TRPV1: variants seen among roughly 807,000 people sequenced by gnomAD.
TRPV1 encodes transient receptor potential cation channel subfamily V member 1.
Under a neutral mutation model 82.3 loss-of-function variants are expected in TRPV1, and 82 were observed. That is an observed-to-expected ratio of 1.00 (90% confidence interval 0.83 to 1.20). TRPV1 has a LOEUF of 1.20. Ranked by LOEUF, TRPV1 falls within the 50% of genes most tolerant of loss-of-function variation. The pLI is 0.00. For missense variants in TRPV1, 1,067 were observed against 1,096.8 expected (o/e 0.97, Z 0.38); for synonymous variants, 515 against 467.7 (o/e 1.10, Z -1.30).
In TRPV1 at chr17:3,573,975, C is replaced by G; in HGVS notation, c.1781-20G>C. ...CCACCGCTACAGGGCACAGGGAGGG[C>G]GGGGTGCCACTGGATAGAAGCCAAT... is the stretch of plus-strand genomic sequence containing the variant. On this transcript the variant is annotated intron_variant, in intron 13 of 16. Coordinates refer to ENST00000572705, the MANE Select transcript of TRPV1 (RefSeq NM_080704.4). The G allele has an allele frequency of 1.3e-6, 2 of 1,565,392 alleles. No individual in the cohort carries two copies. The highest frequency in any genetic ancestry group is 1.7e-6 in the Non-Finnish European group (2 of 1,157,990).
At chr17:3,585,583 C>T in intron 9 of TRPV1, 185 bp downstream of exon 9, 1 of 702,862 alleles carries the variant, frequency 1.4e-6, no homozygotes, top group South Asian at 1.9e-5. Flanking sequence ...TCCTGTACAG[C>T]CTGAGGCAGG....
In TRPV1 at chr17:3,591,295, G is replaced by A. The variant is rs201226989; in HGVS notation, c.343C>T (p.Arg115Cys). The A allele has an allele frequency of 1.9e-5, 31 of 1,612,632 alleles. No homozygotes were observed. The highest frequency in any genetic ancestry group is 2.5e-5 in the Non-Finnish European group (30 of 1,179,554). ...GCAACGGCTTCAAAGATACTCCTGC[G>A]ATCATAGAGCCTGAGGGTCTTCTCG... Reference protein sequence around the residue: ...STEKTLRLYDRRSIFEAVAQN... With the variant: ...STEKTLRLYDCRSIFEAVAQN... Residue 115 changes from arginine (R) to cysteine (C), a missense_variant, in exon 4 of 17, where the codon CGC (arginine) becomes TGC (cysteine). Coordinates refer to ENST00000572705, the MANE Select transcript of TRPV1 (RefSeq NM_080704.4).
At chr17:3,592,616 C>T (rs1285224819) in intron 2 of TRPV1, 3 of 521,312 alleles carry the variant, frequency 5.8e-6, no homozygotes, top group African/African-American at 1.9e-5. Context: ...CCACTGACGT[C>T]GGCCTGGGAG....
chr17:3,571,426 G>C (rs978280213), intron 16 of TRPV1, 98 bp downstream of exon 16: 2 of 958,958 alleles, frequency 2.1e-6, no homozygotes, highest in African/African-American at 3.3e-5. Context: ...CTGGGGGGAT[G>C]AGGAACCCGG....
At chr17:3,600,566 G>T (rs1029631782) in intron 2 of TRPV1, among the ~76,000 whole-genome samples, 5 of 152,172 alleles carry the variant, frequency 3.3e-5, no homozygotes, top group African/African-American at 1.2e-4. Flanking sequence ...TCCAGCCCGG[G>T]CTACAGAGCG....
At chr17:3,581,742 G>C (rs557411154) in intron 10 of TRPV1, among the ~76,000 whole-genome samples, 1 of 145,128 alleles carries the variant, frequency 6.9e-6, no homozygotes, top group African/African-American at 2.5e-5. Context: ...AAAATTAGCC[G>C]GGCGCGGTGG....
intron 16 of TRPV1, 92 bp from the exon 17 acceptor site, chr17:3,567,079 C>T (rs1484097493): frequency 3.5e-6 from 5 of 1,437,792 alleles, no homozygotes; most frequent in African/African-American, 1.4e-5. Context: ...AGGTCCAAGA[C>T]AGGCACGATG....
At position 3,581,756 on chromosome 17, in the gene TRPV1, GCACC is replaced by G. The variant is rs1488219846; in HGVS notation, c.1477-1233_1477-1230del. On this transcript the variant is annotated intron_variant, in intron 10 of 16. Transcript: ENST00000572705. Reference sequence around the variant, plus strand: ...AAAAATTAGCCGGGCGCGGTGGCACGCACCTGTAGTCCCAGCTACTCGGGAGGCT... The same window carrying G: ...AAAAATTAGCCGGGCGCGGTGGCACGTGTAGTCCCAGCTACTCGGGAGGCT... Among the ~76,000 whole-genome samples the G allele has an allele frequency of 3.5e-4, 28 of 79,620 alleles. No individual in the cohort carries two copies. In the South Asian group the frequency reaches 4.7e-3, roughly 13 times the overall value. 52.2% of individuals were successfully genotyped at this position (79,620 alleles called of 152,430 possible).
chr17:3,592,107 T>A lies in TRPV1; in HGVS notation c.244A>T (p.Ile82Phe). 1 of 1,613,824 alleles carries A rather than the reference T, an allele frequency of 6.2e-7. No individual in the cohort carries two copies. ...CCGTCTCCTGGCCTCTGGATGGTGATAACAGGGCTGACTGTGATGGTCGGG... is the reference window on the plus strand; with the variant it reads ...CCGTCTCCTGGCCTCTGGATGGTGAAAACAGGGCTGACTGTGATGGTCGGG... ...SCPTITVSPV[I>F]TIQRPGDGPT... Residue 82 changes from isoleucine to phenylalanine, a missense_variant, in exon 3 of 17, where the codon ATC becomes TTC. Transcript: ENST00000572705.
Position 3,572,423 on chromosome 17 carries a change from G to C in TRPV1, c.2104-174C>G, listed in dbSNP as rs1321892027. Among the ~76,000 whole-genome samples the C allele has an allele frequency of 2.0e-5, 3 of 152,312 alleles. No individual in the cohort carries two copies. In the East Asian group the frequency reaches 5.8e-4, roughly 29 times the overall value. ...TTCTGTAGCCTGGCGGGGGTACACT[G>C]TATACAAGGGGCACAGCCCAGCCAG... On this transcript the variant is annotated intron_variant, in intron 14 of 16. Coordinates refer to ENST00000572705, the MANE Select transcript of TRPV1 (RefSeq NM_080704.4).
At position 3,588,510 on chromosome 17, in the gene TRPV1, C is replaced by T. The variant is rs1266699095; in HGVS notation, c.1045-143G>A. 6 of 925,192 alleles carry T rather than the reference C, an allele frequency of 6.5e-6. No homozygotes were observed. In the East Asian group the frequency reaches 1.6e-4, roughly 25 times the overall value. 57.3% of individuals were successfully genotyped at this position (925,192 alleles called of 1,614,324 possible). A position where few individuals can be genotyped will look rare whatever the true frequency, so the allele number is the denominator to read the frequency against. On this transcript the variant is annotated intron_variant, in intron 7 of 16. Transcript: ENST00000572705. ...AGTCCCCACCCACTCCTGACCACCACTGAGATCAACCAGCCGGCCGGGCAC... is the reference window on the plus strand; with the variant it reads ...AGTCCCCACCCACTCCTGACCACCATTGAGATCAACCAGCCGGCCGGGCAC...
In TRPV1 at chr17:3,588,190, G is replaced by A. The variant is rs746248811; in HGVS notation, c.1222C>T (p.Pro408Ser). ...CTGGCTGTGCCCCAGCCACTCACAG[G>A]GGTCTCGCTGCTGCTGTAGGCGATC... ...EVIAYSSSET[P>S]NRHDMLLVEP... The change falls in exon 8 of 17, where the codon CCT becomes TCT. Residue 408 changes from proline to serine, a missense_variant and splice_region_variant. Coordinates refer to ENST00000572705, the MANE Select transcript of TRPV1 (RefSeq NM_080704.4). 1 of 1,557,576 alleles carries A rather than the reference G, an allele frequency of 6.4e-7. No individual in the cohort carries two copies.
intron 2 of TRPV1, among the ~76,000 whole-genome samples, chr17:3,603,281 C>T (rs546738299): frequency 6.6e-6 from 1 of 152,274 alleles, no homozygotes; most frequent in East Asian, 1.9e-4. Flanking sequence ...GTGGCTAGAG[C>T]TTGAAGTCTG....
At chr17:3,605,488 TAAC>T (rs1412478536) in intron 2 of TRPV1, among the ~76,000 whole-genome samples, 2 of 150,922 alleles carry the variant, frequency 1.3e-5, no homozygotes, top group Non-Finnish European at 2.9e-5. Context: ...CCAGCCTGGG[TAAC>T]AGAGTGAGAC....
intron 11 of TRPV1, among the ~76,000 whole-genome samples, chr17:3,580,071 T>C (rs1380787096): frequency 2.3e-5 from 3 of 129,698 alleles, no homozygotes; most frequent in Non-Finnish European, 4.7e-5. Context: ...CACTACCCAG[T>C]CCAAAATATC....
intron 14 of TRPV1, among the ~76,000 whole-genome samples, chr17:3,572,964 C>G (rs2074876447): frequency 9.1e-6 from 1 of 109,322 alleles, no homozygotes. Context: ...GCCTGGGTGA[C>G]AGAGTAAGAC....
chr17:3,571,245 G>T (rs974430227), intron 16 of TRPV1, among the ~76,000 whole-genome samples: 1 of 152,214 alleles, frequency 6.6e-6, no homozygotes, highest in Admixed American at 6.5e-5. Context: ...TGCGTCCCCT[G>T]GGGCGCTGAG....
rs1304557048 is a variant in TRPV1 at position 3,565,624 on chromosome 17, C to G, written c.*1191G>C. 6.6e-6 allele frequency: 1 copy of G among 152,210 alleles called. No individual in the cohort carries two copies. Among genetic ancestry groups the G allele is most frequent in the Non-Finnish European group, 1.5e-5 (1 of 68,052 alleles). 9.4% of individuals were successfully genotyped at this position (152,210 alleles called of 1,614,324 possible). A position where few individuals can be genotyped will look rare whatever the true frequency, so the allele number is the denominator to read the frequency against. On this transcript the variant is annotated 3_prime_UTR_variant, in exon 17 of 17. Transcript: ENST00000572705. Reference sequence around the variant, plus strand: ...CCTGCACAGCAATTGAGCTGATCTTCTGGAGACTGTGATTGATCGTAAGGA... The same window carrying G: ...CCTGCACAGCAATTGAGCTGATCTTGTGGAGACTGTGATTGATCGTAAGGA...
At chr17:3,604,554 C>T (rs970075874) in intron 2 of TRPV1, among the ~76,000 whole-genome samples, 6 of 148,418 alleles carry the variant, frequency 4.0e-5, no homozygotes, top group African/African-American at 1.5e-4. Flanking sequence ...GCCAAGATCG[C>T]ACCACTGCAC....
Sources: allele counts gnomAD v4.1 joint callset (sites outside exome capture counted in the v4.1 genomes callset), GRCh38; gene constraint gnomAD v4.1.1; transcripts MANE v1.5; gene names NCBI Gene and HGNC (gene_info 2026-07-23, HGNC 2026-07-21).